GASK1A: variants seen among roughly 807,000 people sequenced by gnomAD.
The protein encoded by GASK1A is Golgi-associated kinase 1A.
In GASK1A, 40 loss-of-function variants were observed where a neutral mutation model predicts 41.2. That is an observed-to-expected ratio of 0.97 (90% CI 0.75 to 1.27). The LOEUF is 1.27. Ranked by LOEUF, GASK1A falls within the 50% of genes most tolerant of loss-of-function variation. The pLI is 0.00. For synonymous variants in GASK1A, 316 were observed against 307.1 expected (o/e 1.03, Z -0.30); for missense variants, 678 against 745.1 (o/e 0.91, Z 1.05).
At chr3:43,055,803 T>G in intron 4 of GASK1A, 1 of 490,044 alleles carries the variant, frequency 2.0e-6, no homozygotes, top group Non-Finnish European at 3.7e-6. Context: ...CCTTCCCTTG[T>G]TCTGGGTGAG....
chr3:42,996,061 A>G (rs1199562415), intron 1 of GASK1A, among the ~76,000 whole-genome samples: 2 of 152,216 alleles, frequency 1.3e-5, no homozygotes, highest in Non-Finnish European at 2.9e-5. Context: ...TGGGGCTAGC[A>G]GGGCTGCAAA....
intron 1 of GASK1A, among the ~76,000 whole-genome samples, chr3:42,988,508 G>C (rs959526184): frequency 8.5e-5 from 13 of 152,182 alleles, no homozygotes; most frequent in Non-Finnish European, 2.9e-5. Flanking sequence ...GAAAGGGAGA[G>C]AAAAACGAGA....
At chr3:43,022,596 G>C (rs547621925) in intron 1 of GASK1A, among the ~76,000 whole-genome samples, 23 of 152,058 alleles carry the variant, frequency 1.5e-4, no homozygotes, top group African/African-American at 5.5e-4. Context: ...GGCAAACATT[G>C]GCACTCTGGA....
At position 43,033,136 on chromosome 3, in the gene GASK1A, G is replaced by A; in HGVS notation, c.873G>A (p.Gln291=). 6.4e-7 allele frequency: 1 copy of A among 1,551,100 alleles called. No individual in the cohort carries two copies. Among genetic ancestry groups the A allele is most frequent in the South Asian group, 1.2e-5 (1 of 84,018 alleles). ...TCCCCGCCCATGGGCAGGTGCTACAGGTTGGCTTCTCCACTGAGGCTGCCC... is the reference window on the plus strand; with the variant it reads ...TCCCCGCCCATGGGCAGGTGCTACAAGTTGGCTTCTCCACTGAGGCTGCCC... The part of the protein sequence containing the change: ...ARVPAHGQVL[Q]VGFSTEAALQ... The change falls in exon 2 of 5, where the codon CAG becomes CAA. Residue 291 remains glutamine (Q), a synonymous_variant. Transcript: ENST00000430121.
chr3:43,023,271 C>T (rs2089530690), intron 1 of GASK1A, among the ~76,000 whole-genome samples: 1 of 152,178 alleles, frequency 6.6e-6, no homozygotes. Flanking sequence ...CCACCAAAAG[C>T]TGGAAGAGGC....
At chr3:42,994,243 AGAG>A (rs1414639808) in intron 1 of GASK1A, among the ~76,000 whole-genome samples, 1 of 152,198 alleles carries the variant, frequency 6.6e-6, no homozygotes, top group African/African-American at 2.4e-5. Flanking sequence ...TTGTATAGAT[AGAG>A]GAGAAGAAAG....
chr3:43,007,038 A>G (rs1237275539), intron 1 of GASK1A, among the ~76,000 whole-genome samples: 3 of 152,200 alleles, frequency 2.0e-5, no homozygotes, highest in Non-Finnish European at 4.4e-5. Context: ...AGCACTGCCA[A>G]GTGGTGAAGC....
In GASK1A at chr3:43,056,106, G is replaced by C; in HGVS notation, c.1518-70G>C. On this transcript the variant is annotated intron_variant, in intron 4 of 4. Coordinates refer to ENST00000430121, the MANE Select transcript of GASK1A (RefSeq NM_001129908.3). ...AAGCTCTGGCCATCTGGCATCACCT[G>C]TTACTGAAATTCTCTGAGATTACTG... The C allele has an allele frequency of 3.9e-6, 5 of 1,273,266 alleles. No homozygotes were observed. The South Asian group carries it at 7.2e-5, about 18-fold the overall frequency. 78.9% of individuals were successfully genotyped at this position (1,273,266 alleles called of 1,614,324 possible). A position where few individuals can be genotyped will look rare whatever the true frequency, so the allele number is the denominator to read the frequency against.
At chr3:43,001,879 C>T (rs2089411070) in intron 1 of GASK1A, among the ~76,000 whole-genome samples, 2 of 152,170 alleles carry the variant, frequency 1.3e-5, no homozygotes, top group African/African-American at 4.8e-5. Flanking sequence ...CTCCAGGGGT[C>T]TGACCGGGCT....
intron 1 of GASK1A, among the ~76,000 whole-genome samples, chr3:42,991,252 C>T (rs1270177065): frequency 2.0e-5 from 3 of 152,096 alleles, no homozygotes; most frequent in Non-Finnish European, 4.4e-5. Context: ...GTGATTCTTC[C>T]CTTTCAGCCC....
intron 1 of GASK1A, among the ~76,000 whole-genome samples, chr3:43,020,580 A>T (rs1321820781): frequency 6.6e-6 from 1 of 152,234 alleles, no homozygotes. Flanking sequence ...TGCCACCAAA[A>T]GGTGTGTATT....
intron 1 of GASK1A, among the ~76,000 whole-genome samples, chr3:43,016,980 G>A (rs1423999133): frequency 1.3e-5 from 2 of 151,832 alleles, no homozygotes; most frequent in African/African-American, 4.8e-5. Flanking sequence ...GGAAGGGTCT[G>A]TGTGAAGCCA....
chr3:42,990,642 C>T (rs971165732), intron 1 of GASK1A, among the ~76,000 whole-genome samples: 106 of 152,308 alleles, frequency 7.0e-4, no homozygotes, highest in African/African-American at 2.5e-3. Flanking sequence ...TACTTGTCTA[C>T]TTAATGACAG....
intron 3 of GASK1A, among the ~76,000 whole-genome samples, chr3:43,054,855 G>A (rs1217292668): frequency 3.3e-5 from 5 of 152,242 alleles, no homozygotes; most frequent in African/African-American, 1.2e-4. Context: ...ATATGTCTGT[G>A]ATCTCAGTGA....
intron 3 of GASK1A, among the ~76,000 whole-genome samples, 177 bp from the exon 4 acceptor site, chr3:43,055,255 G>A (rs2089710161): frequency 6.6e-6 from 1 of 152,210 alleles, no homozygotes; most frequent in South Asian, 2.1e-4. Context: ...ATGTCTGGAA[G>A]CACTTAGCAC....
At chr3:43,017,112 G>A (rs1026725802) in intron 1 of GASK1A, among the ~76,000 whole-genome samples, 1 of 151,772 alleles carries the variant, frequency 6.6e-6, no homozygotes, top group African/African-American at 2.4e-5. Flanking sequence ...TCAGGAAGGG[G>A]CAGTGTGAAA....
Position 43,033,495 on chromosome 3 carries a change from G to T in GASK1A, c.1232G>T (p.Cys411Phe). Residue 411 changes from cysteine (C) to phenylalanine (F), a missense_variant, in exon 2 of 5, where the codon TGC (cysteine) becomes TTC (phenylalanine). By Grantham distance (205) the Cys-to-Phe change is radical (BLOSUM62 -2). Coordinates refer to ENST00000430121, the MANE Select transcript of GASK1A (RefSeq NM_001129908.3). ...TGCAACTGGCCAGGCCAGGCCCCGT[G>T]CCCGGGCATCCACCATACCGAGTGG... is the stretch of plus-strand genomic sequence containing the variant. ...HSCNWPGQAP[C>F]PGIHHTEWAR... The T allele has an allele frequency of 6.5e-7, 1 of 1,549,952 alleles. No homozygotes were observed.
chr3:43,036,045 C>A (rs776788972), intron 2 of GASK1A, among the ~76,000 whole-genome samples: 2 of 152,230 alleles, frequency 1.3e-5, no homozygotes, highest in African/African-American at 2.4e-5. Context: ...TTGCAAAGCC[C>A]CAGTCCAGCT....
chr3:43,006,465 A>G (rs1182288255), intron 1 of GASK1A, among the ~76,000 whole-genome samples: 1 of 152,194 alleles, frequency 6.6e-6, no homozygotes, highest in African/African-American at 2.4e-5. Context: ...GTTTGGCTTG[A>G]GTATAGAATT....
Sources: allele counts gnomAD v4.1 joint callset (sites outside exome capture counted in the v4.1 genomes callset), GRCh38; gene constraint gnomAD v4.1.1; transcripts MANE v1.5; gene names NCBI Gene and HGNC (gene_info 2026-07-23, HGNC 2026-07-21).